Variants in TNFSF8 observed in about 807,000 individuals in gnomAD.
TNFSF8 encodes TNF superfamily member 8, also known as tumor necrosis factor ligand superfamily member 8.
In TNFSF8, 4 loss-of-function variants were observed where a neutral mutation model predicts 22.0. That is an observed-to-expected ratio of 0.18 (90% confidence interval 0.09 to 0.42). The LOEUF (loss-of-function observed/expected upper bound fraction) is 0.42, where lower values mean the gene tolerates loss of function less well. Among genes scored for constraint, TNFSF8 ranks in the 10% least tolerant of loss-of-function variants. The pLI, the probability that TNFSF8 is intolerant of heterozygous loss-of-function variation, is 1.00. For missense variants in TNFSF8, 233 were observed against 281.8 expected, an observed-to-expected ratio of 0.83 and a Z score of 1.24; for synonymous variants, 106 against 112.5, an observed-to-expected ratio of 0.94 and a Z score of 0.37.
Position 114,903,636 on chromosome 9 carries a change from C to T in TNFSF8, c.*295G>A. ...CAAAACAGAAGAAATAGATCAAGAC[C>T]ATACAGTGAATTAGAGGTTGGGCTG... On this transcript the variant is annotated 3_prime_UTR_variant, in exon 4 of 4. Coordinates refer to ENST00000223795, the MANE Select transcript of TNFSF8 (RefSeq NM_001244.4). 1 of 1,001,502 alleles carries T rather than the reference C, an allele frequency of 1.0e-6. No homozygotes were observed. Among genetic ancestry groups the T allele is most frequent in the Non-Finnish European group, 1.2e-6 (1 of 815,292 alleles). The allele number at this position is 1,001,502 out of a possible 1,614,324, so 62.0% of individuals were successfully genotyped here.
At chr9:114,896,728 G>A (rs554219850), downstream of TNFSF8, among the ~76,000 whole-genome samples, 1 of 152,210 alleles carries the variant, frequency 6.6e-6, no homozygotes, top group South Asian at 2.1e-4. Context: ...GAAGGGTGAT[G>A]GATTCTACAG....
rs1587931287 is a variant in TNFSF8 at position 114,903,811 on chromosome 9, C to T, written c.*120G>A. The T allele has an allele frequency of 5.5e-6, 8 of 1,463,600 alleles. No homozygotes were observed. The East Asian group carries it at 1.7e-4, about 30-fold the overall frequency. The allele number at this position is 1,463,600 out of a possible 1,614,324, so 90.7% of individuals were successfully genotyped here. A position where few individuals can be genotyped will look rare whatever the true frequency, so the allele number is the denominator to read the frequency against. ...TCCAAGAGACAGAAGGAGAAGTATA[C>T]TATTTAATACCCTGTGTAGTTTGTC... On this transcript the variant is annotated 3_prime_UTR_variant, in exon 4 of 4. Coordinates refer to ENST00000223795, the MANE Select transcript of TNFSF8 (RefSeq NM_001244.4).
chr9:114,924,153 T>A (rs1828027714), intron 1 of TNFSF8, among the ~76,000 whole-genome samples: 1 of 152,184 alleles, frequency 6.6e-6, no homozygotes. Flanking sequence ...CTTCTCAAAC[T>A]TTAATGTGCA....
At chr9:114,913,731 G>A (rs1365429428) in intron 2 of TNFSF8, among the ~76,000 whole-genome samples, 1 of 152,172 alleles carries the variant, frequency 6.6e-6, no homozygotes, top group African/African-American at 2.4e-5. Context: ...TTTTAGGCAA[G>A]GCAACAAGCC....
intron 2 of TNFSF8, among the ~76,000 whole-genome samples, chr9:114,917,088 G>A (rs1398737604): frequency 6.6e-6 from 1 of 152,180 alleles, no homozygotes; most frequent in Non-Finnish European, 1.5e-5. Context: ...GGAAAGGCAT[G>A]GGCAAGGGAA....
At chr9:114,921,007 C>T (rs575180817) in intron 1 of TNFSF8, among the ~76,000 whole-genome samples, 25 of 152,264 alleles carry the variant, frequency 1.6e-4, no homozygotes, top group African/African-American at 5.8e-4. Flanking sequence ...GTAATACTGA[C>T]ACTCCTGGCC....
chr9:114,910,720 G>A (rs992573266), intron 2 of TNFSF8, among the ~76,000 whole-genome samples: 3 of 152,172 alleles, frequency 2.0e-5, no homozygotes, highest in African/African-American at 7.2e-5. Context: ...GGCACATAAA[G>A]ATGCAAATAT....
At chr9:114,894,640 A>C (rs1827639108) in intron 4 of TNFSF8, among the ~76,000 whole-genome samples, 1 of 152,204 alleles carries the variant, frequency 6.6e-6, no homozygotes, top group African/African-American at 2.4e-5. Context: ...GGTCATCTCT[A>C]TCTCATAAGG....
chr9:114,923,525 T>TCTTTC (rs1554778281), intron 1 of TNFSF8, among the ~76,000 whole-genome samples: 111 of 134,558 alleles, frequency 8.2e-4, no homozygotes, highest in African/African-American at 2.5e-3. Context: ...TTTCTTTCTT[T>TCTTTC]TTTTTTTTTT....
In TNFSF8 at chr9:114,902,839, A is replaced by G. The variant is rs1318971823; in HGVS notation, c.*1092T>C. Reference sequence around the variant, plus strand: ...TCCTGAGTTCCAGGGAGGGGAAGGTATAGTGAATTCTTATAATTTTATGTT... The same window carrying G: ...TCCTGAGTTCCAGGGAGGGGAAGGTGTAGTGAATTCTTATAATTTTATGTT... On this transcript the variant is annotated 3_prime_UTR_variant, in exon 4 of 4. Coordinates refer to ENST00000223795, the MANE Select transcript of TNFSF8 (RefSeq NM_001244.4). 2.5e-6 allele frequency: 2 copies of G among 801,650 alleles called. No homozygotes were observed. 49.7% of individuals were successfully genotyped at this position (801,650 alleles called of 1,614,324 possible). A position where few individuals can be genotyped will look rare whatever the true frequency, so the allele number is the denominator to read the frequency against.
At chr9:114,896,291 G>C (rs969791692), downstream of TNFSF8, among the ~76,000 whole-genome samples, 1 of 152,162 alleles carries the variant, frequency 6.6e-6, no homozygotes, top group Non-Finnish European at 1.5e-5. Flanking sequence ...CAGGCACCAG[G>C]ACATAACAGC....
At chr9:114,916,562 G>A (rs1348072084) in intron 2 of TNFSF8, among the ~76,000 whole-genome samples, 2 of 152,202 alleles carry the variant, frequency 1.3e-5, no homozygotes, top group African/African-American at 4.8e-5. Context: ...TGGGAGTGGG[G>A]AGGGGCAAGT....
chr9:114,919,072 C>T (rs7868670), intron 1 of TNFSF8, among the ~76,000 whole-genome samples: 31,626 of 150,442 alleles, frequency 0.21, 7,118 homozygotes, highest in African/African-American at 0.56. Context: ...TGTAAACATA[C>T]CTGGGAAGGT....
intron 1 of TNFSF8, among the ~76,000 whole-genome samples, chr9:114,923,478 TTTTCTTTCTTTCTTTCTTTC>T (rs71375260): frequency 6.7e-4 from 71 of 105,682 alleles, no homozygotes; most frequent in Non-Finnish European, 1.0e-3. Flanking sequence ...TTTTCTTTCT[TTTTCTTTCTTTCTTTCTTTC>T]TTTCTTTCTT....
At chr9:114,916,157 A>AT in intron 2 of TNFSF8, among the ~76,000 whole-genome samples, 1 of 152,334 alleles carries the variant, frequency 6.6e-6, no homozygotes, top group South Asian at 2.1e-4. Context: ...ACTCCTGTCT[A>AT]TATCAACTTC....
intron 2 of TNFSF8, among the ~76,000 whole-genome samples, 176 bp downstream of exon 2, chr9:114,917,920 G>T (rs1350161880): frequency 6.6e-6 from 1 of 152,186 alleles, no homozygotes; most frequent in Non-Finnish European, 1.5e-5. Context: ...TTCAGGAGCT[G>T]CTAAGATGAA....
At chr9:114,928,371 T>C (rs1213963380) in intron 1 of TNFSF8, among the ~76,000 whole-genome samples, 1 of 152,242 alleles carries the variant, frequency 6.6e-6, no homozygotes, top group Non-Finnish European at 1.5e-5. Flanking sequence ...GTTCCCTCTC[T>C]GCTCCTCATT....
At chr9:114,926,959 C>A (rs1019417987) in intron 1 of TNFSF8, among the ~76,000 whole-genome samples, 17 of 141,872 alleles carry the variant, frequency 1.2e-4, no homozygotes, top group Admixed American at 2.9e-4. Context: ...TATTAAATAA[C>A]ATAAAATATT....
intron 1 of TNFSF8, among the ~76,000 whole-genome samples, chr9:114,919,681 C>T (rs930202090): frequency 2.0e-5 from 3 of 152,186 alleles, no homozygotes; most frequent in Non-Finnish European, 2.9e-5. Context: ...AAACCAACTT[C>T]CTAACCTCTA....
Sources: allele counts gnomAD v4.1 joint callset (sites outside exome capture counted in the v4.1 genomes callset), GRCh38; gene constraint gnomAD v4.1.1; transcripts MANE v1.5; gene names NCBI Gene and HGNC (gene_info 2026-07-23, HGNC 2026-07-21).